Variants in PTPRS observed in about 807,000 individuals in gnomAD.
The protein encoded by PTPRS is protein tyrosine phosphatase receptor type S.
A neutral mutation model predicts 215.3 loss-of-function variants in PTPRS; 63 were observed. The ratio of observed to expected loss-of-function variants is 0.29; its 90% CI spans 0.24 to 0.36. The LOEUF is 0.36. Ranked by LOEUF, PTPRS falls within the 10% of genes least tolerant of loss-of-function variation. PTPRS has a pLI of 1.00. For missense variants in PTPRS, 2,258 were observed against 2,825.8 expected (o/e 0.80, Z 4.56); for synonymous variants, 1,404 against 1,191.4 (o/e 1.18, Z -3.68).
At chr19:5,274,060 G>C in intron 3 of PTPRS, 139 bp downstream of exon 3, 1 of 1,220,118 alleles carries the variant, frequency 8.2e-7, no homozygotes, top group East Asian at 2.5e-5. Context: ...CTGGCTGGAG[G>C]CTGCGCAGCC....
chr19:5,297,203 CG>C (rs2049162687), intron 1 of PTPRS, among the ~76,000 whole-genome samples: 1 of 152,144 alleles, frequency 6.6e-6, no homozygotes, highest in African/African-American at 2.4e-5. Context: ...GGGAGGAACA[CG>C]GGGCTGGATC....
At chr19:5,290,439 G>A (rs1038795096) in intron 1 of PTPRS, among the ~76,000 whole-genome samples, 1 of 152,234 alleles carries the variant, frequency 6.6e-6, no homozygotes, top group African/African-American at 2.4e-5. Context: ...TGGGGGGCGA[G>A]TGGGCACTCA....
rs1166255110 is a variant in PTPRS, at chr19:5,220,058, G to A, written c.3646C>T (p.Leu1216=). Residue 1216 remains leucine, a synonymous_variant, in exon 22 of 38, where the codon CTG becomes TTG. Coordinates refer to ENST00000262963, the MANE Select transcript of PTPRS (RefSeq NM_002850.4). Reference sequence around the variant, plus strand: ...TCGCCGGGATGGAACGTGGGTGGCAGCACAGAGAAGCGAGCTGCAATATAG... The same window carrying A: ...TCGCCGGGATGGAACGTGGGTGGCAACACAGAGAAGCGAGCTGCAATATAG... ...RPYIAARFSV[L]PPTFHPGDQK... is the part of the protein sequence containing the mutation. 6.2e-7 allele frequency: 1 copy of A among 1,614,026 alleles called. No homozygotes were observed. Among genetic ancestry groups the A allele is most frequent in the Non-Finnish European group, 8.5e-7 (1 of 1,180,040 alleles).
At position 5,223,127 on chromosome 19, in the gene PTPRS, G is replaced by A. The variant is rs148744813; in HGVS notation, c.2665C>T (p.Arg889Cys). Residue 889 changes from arginine to cysteine, a missense_variant, in exon 18 of 38, where the codon CGC becomes TGC. By Grantham distance (180) the Arg-to-Cys change is radical. This residue lies in a region of PTPRS where 361 missense variants were observed against 332.6 expected (regional missense o/e 1.09). Coordinates refer to ENST00000262963, the MANE Select transcript of PTPRS (RefSeq NM_002850.4). ...ATLEFPPSED[R>C]YTASGVHKGA... ...TTGTGCACGCCTGATGCCGTGTAGCGGTCCTCGGAGGGCGGGAACTCCAGG... is the reference window on the plus strand; with the variant it reads ...TTGTGCACGCCTGATGCCGTGTAGCAGTCCTCGGAGGGCGGGAACTCCAGG... 2.7e-5 allele frequency: 43 copies of A among 1,568,940 alleles called. No homozygotes were observed. Among genetic ancestry groups the A allele is most frequent in the African/African-American group, 6.8e-5 (5 of 73,290 alleles).
rs1460448482 is a variant in PTPRS at position 5,293,870 on chromosome 19, G to A, written c.-94-7636C>T. On this transcript the variant is annotated intron_variant, in intron 1 of 37. Coordinates refer to ENST00000262963, the MANE Select transcript of PTPRS (RefSeq NM_002850.4). The surrounding 1 kb of genome is among the most constrained non-coding windows in gnomAD (Gnocchi z 8.4). ...CTGAGGAGGGGGCGGAGAGCACAGG[G>A]CCAGATTGGAAACAGATGGGGCCGC... Among the ~76,000 whole-genome samples, 1 of 152,176 alleles carries A rather than the reference G, an allele frequency of 6.6e-6. No homozygotes were observed. The highest frequency in any genetic ancestry group is 1.5e-5 in the Non-Finnish European group (1 of 68,012).
At chr19:5,335,849 C>G (rs2050479340) in intron 1 of PTPRS, among the ~76,000 whole-genome samples, 1 of 152,012 alleles carries the variant, frequency 6.6e-6, no homozygotes, top group African/African-American at 2.4e-5. Flanking sequence ...GGTTTATTTT[C>G]AGATGTGGAA....
At chr19:5,290,735 G>C (rs895935536) in intron 1 of PTPRS, among the ~76,000 whole-genome samples, 5 of 151,998 alleles carry the variant, frequency 3.3e-5, no homozygotes, top group Non-Finnish European at 7.4e-5. Flanking sequence ...GAGAAGCTGA[G>C]GCTGATTATG....
At chr19:5,298,990 A>C (rs78894236) in intron 1 of PTPRS, among the ~76,000 whole-genome samples, 1 of 151,968 alleles carries the variant, frequency 6.6e-6, no homozygotes, top group East Asian at 1.9e-4. Flanking sequence ...CACTTTGTCC[A>C]TCTTTCTCCA....
In PTPRS at chr19:5,304,302, T is replaced by TA. The variant is rs201291330; in HGVS notation, c.-94-18069dup. ...AACATGGTGAAACCTCCATCTCTAC[T>TA]AAAAAAAATAAGAAATAAAAAAATA... On this transcript the variant is annotated intron_variant, in intron 1 of 37. Transcript: ENST00000262963. 6.1e-3 allele frequency among the ~76,000 whole-genome samples: 921 copies of TA among 151,240 alleles called. 6 individuals carry two copies. Among genetic ancestry groups the TA allele is most frequent in the Non-Finnish European group, 0.011 (759 of 67,794 alleles).
intron 2 of PTPRS, among the ~76,000 whole-genome samples, chr19:5,280,810 G>A (rs1206195544): frequency 6.7e-6 from 1 of 149,368 alleles, no homozygotes; most frequent in Admixed American, 6.7e-5. Context: ...TTTGTTTTTT[G>A]AGATGGAGTC....
At chr19:5,272,813 C>T (rs908357688) in intron 4 of PTPRS, among the ~76,000 whole-genome samples, 18 of 152,018 alleles carry the variant, frequency 1.2e-4, no homozygotes, top group African/African-American at 4.3e-4. Flanking sequence ...CCTCAGCCTC[C>T]CAAAGTGCTG....
intron 1 of PTPRS, among the ~76,000 whole-genome samples, chr19:5,335,642 C>T (rs901712014): frequency 6.6e-6 from 1 of 152,168 alleles, no homozygotes; most frequent in Non-Finnish European, 1.5e-5. Context: ...TTAAAAGGAG[C>T]AAGGCCACCC....
Position 5,274,823 on chromosome 19 carries a change from CAT to C in PTPRS, c.92-481_92-480del, listed in dbSNP as rs10600706. ...AACTTGGTCTAATTTCCTGGTGAGA[CAT>C]GTGGGGAAACTGAGGCACCCAGCAT... is the stretch of plus-strand genomic sequence containing the variant. On this transcript the variant is annotated intron_variant, in intron 2 of 37. Transcript: ENST00000262963. 3.4e-3 allele frequency among the ~76,000 whole-genome samples: 525 copies of C among 152,264 alleles called. 2 individuals carry two copies. The highest frequency in any genetic ancestry group is 0.012 in the African/African-American group (492 of 41,564).
In PTPRS at chr19:5,242,450, C is replaced by T. The variant is rs562936061; in HGVS notation, c.1570+1451G>A. Among the ~76,000 whole-genome samples the T allele has an allele frequency of 1.6e-4, 24 of 151,698 alleles. No individual in the cohort carries two copies. The South Asian group carries it at 2.5e-3, about 16-fold the overall frequency. ...GGAGGGCAGTGGTGACATTTTGGCT[C>T]ACCGCCTCCCGAGTTCAAGTGATTC... On this transcript the variant is annotated intron_variant, in intron 11 of 37. Transcript: ENST00000262963.
chr19:5,219,874 G>A, intron 22 of PTPRS, 65 bp downstream of exon 22: 1 of 1,538,188 alleles, frequency 6.5e-7, no homozygotes. Flanking sequence ...TCAGGGCCCT[G>A]GGGAATGGGG....
In PTPRS at chr19:5,229,520, T is replaced by C; in HGVS notation, c.2320A>G (p.Ile774Val). ...GCATCGGCCAGCATGACGTCCTTGA[T>C]GCGCGGCGGCCCGCGGGCCTCGGCG... Reference protein sequence around the residue: ...EGAEARGPPRIKDVMLADAQW... With the variant: ...EGAEARGPPRVKDVMLADAQW... The change falls in exon 15 of 38, where the codon ATC becomes GTC. Residue 774 changes from isoleucine to valine, a missense_variant. Physicochemically the swap from Ile to Val is conservative, Grantham distance 29 (BLOSUM62 3). Coordinates refer to ENST00000262963, the MANE Select transcript of PTPRS (RefSeq NM_002850.4). 1 of 1,464,038 alleles carries C rather than the reference T, an allele frequency of 6.8e-7. No individual in the cohort carries two copies. The allele number at this position is 1,464,038 out of a possible 1,614,324, so 90.7% of individuals were successfully genotyped here. A position where few individuals can be genotyped will look rare whatever the true frequency, so the allele number is the denominator to read the frequency against.
chr19:5,311,373 G>A (rs1054464120), intron 1 of PTPRS, among the ~76,000 whole-genome samples: 5 of 152,152 alleles, frequency 3.3e-5, no homozygotes, highest in East Asian at 1.9e-4. Flanking sequence ...TGTCTTCTCC[G>A]TCACTCTGTT....
At chr19:5,314,119 C>G (rs2049798190) in intron 1 of PTPRS, among the ~76,000 whole-genome samples, 1 of 152,274 alleles carries the variant, frequency 6.6e-6, no homozygotes, top group Admixed American at 6.5e-5. Flanking sequence ...GCCTGGGCAA[C>G]AGAGCAAGAT....
chr19:5,334,725 G>A (rs1035125885), intron 1 of PTPRS, among the ~76,000 whole-genome samples: 4 of 152,204 alleles, frequency 2.6e-5, no homozygotes, highest in Admixed American at 1.3e-4. Context: ...CCTTCCAGGC[G>A]TTAGGAATCC....
Sources: allele counts gnomAD v4.1 joint callset (sites outside exome capture counted in the v4.1 genomes callset), GRCh38; gene constraint gnomAD v4.1.1; regional missense constraint gnomAD v4.1.1; non-coding constraint Gnocchi (gnomAD v3.1); transcripts MANE v1.5; gene names NCBI Gene and HGNC (gene_info 2026-07-23, HGNC 2026-07-21).